The following LRRC4C variants were observed in gnomAD, a reference collection of about 807,000 sequenced individuals.
LRRC4C encodes the protein leucine rich repeat containing 4C.
A neutral mutation model predicts 33.6 loss-of-function variants in LRRC4C; 5 were observed. That is an observed-to-expected ratio of 0.15 (90% CI 0.08 to 0.31). LRRC4C has a LOEUF of 0.31. LRRC4C is among the 10% of genes least tolerant of loss of function. LRRC4C has a pLI of 1.00. For missense variants in LRRC4C, 560 were observed against 796.7 expected (o/e 0.70, Z 3.58); for synonymous variants, 329 against 302.0 (o/e 1.09, Z -0.93).
intron 2 of LRRC4C, among the ~76,000 whole-genome samples, chr11:40,801,499 C>T (rs1426366670): frequency 6.6e-6 from 1 of 152,126 alleles, no homozygotes; most frequent in Non-Finnish European, 1.5e-5. Flanking sequence ...ATTTTTACCC[C>T]CATGTGGGCA....
intron 1 of LRRC4C, among the ~76,000 whole-genome samples, chr11:41,054,861 A>G (rs1209765147): frequency 5.9e-5 from 9 of 152,234 alleles, no homozygotes; most frequent in Admixed American, 5.9e-4. Context: ...CTGAACTATC[A>G]TGAGAGCATG....
intron 1 of LRRC4C, among the ~76,000 whole-genome samples, chr11:41,341,317 C>T (rs1951630455): frequency 6.6e-6 from 1 of 152,128 alleles, no homozygotes; most frequent in Non-Finnish European, 1.5e-5. Context: ...ATCAGAGACT[C>T]ATCTGAGAGA....
chr11:40,491,355 G>T (rs1449532786), intron 3 of LRRC4C, among the ~76,000 whole-genome samples: 3 of 151,600 alleles, frequency 2.0e-5, no homozygotes, highest in African/African-American at 7.3e-5. Flanking sequence ...AACAAATTTA[G>T]CAGCTTAACA....
At chr11:40,742,410 T>C (rs1250434153) in intron 2 of LRRC4C, among the ~76,000 whole-genome samples, 1 of 152,034 alleles carries the variant, frequency 6.6e-6, no homozygotes, top group East Asian at 1.9e-4. Flanking sequence ...TCCTAAGTAG[T>C]TAAGGCAGCT....
chr11:40,972,923 G>T (rs1592228739), intron 1 of LRRC4C, among the ~76,000 whole-genome samples: 1 of 152,130 alleles, frequency 6.6e-6, no homozygotes, highest in Non-Finnish European at 1.5e-5. Context: ...GGTGCCTGGT[G>T]GGAGGTAATT....
chr11:40,845,952 T>C (rs1015035518), intron 2 of LRRC4C, among the ~76,000 whole-genome samples: 1 of 152,102 alleles, frequency 6.6e-6, no homozygotes, highest in Non-Finnish European at 1.5e-5. Flanking sequence ...CTTTTTTTCA[T>C]GTTTGTTGGC....
rs11036123 is a variant in LRRC4C, at chr11:40,875,669, C to T, written c.-407+57966G>A. Among the ~76,000 whole-genome samples the T allele has an allele frequency of 3.0e-4, 46 of 152,204 alleles. 1 individual carries two copies. In the East Asian group the frequency reaches 8.7e-3, roughly 29 times the overall value. ...ACCTGTAGCTGTGTTCTAAAGTAAT[C>T]GCACATATTTAATCCCTTAACTCAG... On this transcript the variant is annotated intron_variant, in intron 2 of 6. Coordinates refer to ENST00000528697, the MANE Select transcript of LRRC4C (RefSeq NM_001258419.2).
In LRRC4C at chr11:41,340,339, T is replaced by C. The variant is rs997946714; in HGVS notation, c.-496+119092A>G. 1.9e-4 allele frequency among the ~76,000 whole-genome samples: 29 copies of C among 152,202 alleles called. 1 individual carries two copies. The highest frequency in any genetic ancestry group is 1.9e-3 in the Admixed American group (29 of 15,270). On this transcript the variant is annotated intron_variant, in intron 1 of 6. Coordinates refer to ENST00000528697, the MANE Select transcript of LRRC4C (RefSeq NM_001258419.2). ...ACAAGCTAAATCTTATGTATTTCAA[T>C]TTTCCTTTTTGTAGCATTTTGCAAA...
At chr11:40,893,120 C>T (rs558951699) in intron 2 of LRRC4C, among the ~76,000 whole-genome samples, 26 of 151,946 alleles carry the variant, frequency 1.7e-4, no homozygotes, top group East Asian at 1.9e-4. Flanking sequence ...AAATAAGCCA[C>T]GCACACAAAA....
intron 5 of LRRC4C, among the ~76,000 whole-genome samples, chr11:40,200,785 A>AAAAAGG (rs1190458813): frequency 3.4e-4 from 13 of 38,758 alleles, no homozygotes; most frequent in Non-Finnish European, 4.9e-4. Context: ...AAAAAAAAAA[A>AAAAAGG]AAAGAAAAGA....
intron 2 of LRRC4C, among the ~76,000 whole-genome samples, chr11:40,719,215 A>G (rs182801454): frequency 1.3e-5 from 2 of 152,362 alleles, no homozygotes; most frequent in Admixed American, 1.3e-4. Context: ...AATTGTGAAC[A>G]TGTAATCATC....
At chr11:40,588,512 C>T (rs1958873339) in intron 3 of LRRC4C, among the ~76,000 whole-genome samples, 2 of 151,662 alleles carry the variant, frequency 1.3e-5, no homozygotes, top group South Asian at 2.1e-4. Flanking sequence ...TTCTTGCCTT[C>T]TGCTAGCTTT....
intron 3 of LRRC4C, among the ~76,000 whole-genome samples, chr11:40,572,534 C>G (rs1197324853): frequency 6.6e-6 from 1 of 152,138 alleles, no homozygotes; most frequent in African/African-American, 2.4e-5. Flanking sequence ...CTGAATACAT[C>G]TTTGGAGAAG....
Position 40,630,780 on chromosome 11 carries a change from C to G in LRRC4C, c.-270+17362G>C, listed in dbSNP as rs544012593. On this transcript the variant is annotated intron_variant, in intron 3 of 6. Transcript: ENST00000528697. Reference sequence around the variant, plus strand: ...TTTCAAAATTTAAAGTGAATTCTGGCTATAATGACCAAGGCATTAGTAATC... The same window carrying G: ...TTTCAAAATTTAAAGTGAATTCTGGGTATAATGACCAAGGCATTAGTAATC... 1.6e-3 allele frequency among the ~76,000 whole-genome samples: 248 copies of G among 152,218 alleles called. 1 individual carries two copies. The Middle Eastern group carries it at 0.02, about 13-fold the overall frequency.
intron 5 of LRRC4C, among the ~76,000 whole-genome samples, chr11:40,202,536 GT>G: frequency 6.6e-6 from 1 of 152,224 alleles, no homozygotes; most frequent in Non-Finnish European, 1.5e-5. Context: ...AAATGAATGA[GT>G]TGGGCTAGAC....
At chr11:40,389,354 T>C (rs1406456861) in intron 3 of LRRC4C, among the ~76,000 whole-genome samples, 1 of 152,198 alleles carries the variant, frequency 6.6e-6, no homozygotes, top group African/African-American at 2.4e-5. Flanking sequence ...CGCTGTAACT[T>C]GCTTCAGGTA....
chr11:40,392,117 G>A (rs1382952640), intron 3 of LRRC4C, among the ~76,000 whole-genome samples: 1 of 152,130 alleles, frequency 6.6e-6, no homozygotes, highest in African/African-American at 2.4e-5. Context: ...CAAGATCAGT[G>A]GTTGCTAGGG....
chr11:40,777,357 A>G (rs1007561224), intron 2 of LRRC4C, among the ~76,000 whole-genome samples: 2 of 152,118 alleles, frequency 1.3e-5, no homozygotes, highest in Non-Finnish European at 2.9e-5. Context: ...CCCTGCCTAC[A>G]TCTTTTTGTA....
intron 3 of LRRC4C, among the ~76,000 whole-genome samples, chr11:40,599,211 G>T (rs1959709140): frequency 6.6e-6 from 1 of 152,054 alleles, no homozygotes; most frequent in Admixed American, 6.6e-5. Context: ...AATTTTGGGA[G>T]GCTGAGGCAG....
Sources: gnomAD v4.1 joint callset for allele counts (sites outside exome capture counted in the v4.1 genomes callset) on GRCh38, gnomAD v4.1.1 for gene constraint, MANE v1.5 for transcripts, NCBI Gene and HGNC (gene_info 2026-07-23, HGNC 2026-07-21) for gene names.